PRSS12: variants seen among roughly 807,000 people sequenced by gnomAD.
PRSS12 encodes the protein neurotrypsin.
PRSS12 carries 85 observed loss-of-function variants against 104.4 expected under a neutral mutation model. The observed-to-expected ratio is 0.81, with a 90% CI of 0.68 to 0.98. PRSS12 has a LOEUF of 0.98. Among genes scored for constraint, PRSS12 ranks in the 50% least tolerant of loss-of-function variants. The pLI is 0.00. For missense variants in PRSS12, 1,141 were observed against 1,139.2 expected (o/e 1.00, Z -0.02); for synonymous variants, 454 against 425.2 (o/e 1.07, Z -0.83).
chr4:118,290,859 AT>A (rs1346444209), intron 11 of PRSS12, among the ~76,000 whole-genome samples: 1 of 151,746 alleles, frequency 6.6e-6, no homozygotes, highest in Non-Finnish European at 1.5e-5. Context: ...CTTTTCACCT[AT>A]TTCTATTATT....
chr4:118,313,017 A>C, intron 7 of PRSS12, 184 bp downstream of exon 7: 1 of 669,886 alleles, frequency 1.5e-6, no homozygotes. Flanking sequence ...GAAATTTCAT[A>C]ATGTTGGCGC....
At chr4:118,318,290 A>G in intron 5 of PRSS12, 88 bp downstream of exon 5, 6 of 1,238,730 alleles carry the variant, frequency 4.8e-6, no homozygotes, top group Non-Finnish European at 6.9e-6. Flanking sequence ...TCATTTGGTA[A>G]TGTTGAAATT....
chr4:118,295,752 A>G (rs1743237873), intron 10 of PRSS12, 26 bp downstream of exon 10: 1 of 1,585,494 alleles, frequency 6.3e-7, no homozygotes, highest in Admixed American at 1.7e-5. Flanking sequence ...TGTAATATAA[A>G]AAATCTCTTT....
chr4:118,336,155 C>A (rs534763294), intron 2 of PRSS12, among the ~76,000 whole-genome samples: 1 of 152,144 alleles, frequency 6.6e-6, no homozygotes, highest in East Asian at 1.9e-4. Context: ...CATCTAAGCA[C>A]AATAATATCA....
In PRSS12 at chr4:118,338,313, T is replaced by C. The variant is rs755194073; in HGVS notation, c.504A>G (p.Gly168=). The C allele has an allele frequency of 2.5e-6, 4 of 1,613,932 alleles. No homozygotes were observed. The highest frequency in any genetic ancestry group is 2.2e-5 in the East Asian group (1 of 44,882). ...TTTTGCCGCCACGAAGTCGTACTGA[T>C]CCTAAAGTGGAAAAGAATCCCAAAA... ...VDWGYCDCRH[G]SVRLRGGKNE... is the part of the protein sequence containing the mutation. Residue 168 remains glycine (G), a splice_region_variant and synonymous_variant, in exon 2 of 13, where the codon GGA becomes GGG. Coordinates refer to ENST00000296498, the MANE Select transcript of PRSS12 (RefSeq NM_003619.4).
chr4:118,337,226 C>T (rs1414094015), intron 2 of PRSS12, among the ~76,000 whole-genome samples: 1 of 152,130 alleles, frequency 6.6e-6, no homozygotes, highest in African/African-American at 2.4e-5. Context: ...ATGCAAAATA[C>T]TTGCAAACTG....
intron 8 of PRSS12, chr4:118,303,290 A>G (rs1218925084): frequency 6.6e-6 from 1 of 152,174 alleles, no homozygotes; most frequent in Non-Finnish European, 1.5e-5. Flanking sequence ...GATAAATAAC[A>G]TAAAAGTAGA....
At chr4:118,319,543 G>A (rs1038409988) in intron 4 of PRSS12, among the ~76,000 whole-genome samples, 4 of 152,048 alleles carry the variant, frequency 2.6e-5, no homozygotes, top group Non-Finnish European at 4.4e-5. Flanking sequence ...TAATAATTGC[G>A]GAACCACCAA....
In PRSS12 at chr4:118,318,568, A is replaced by C; in HGVS notation, c.972-12T>G. Reference sequence around the variant, plus strand: ...CTTTGGCAATGCCACTGAACAAATAAAAGAATGTAAGGATTCTGGATTAGA... The same window carrying C: ...CTTTGGCAATGCCACTGAACAAATACAAGAATGTAAGGATTCTGGATTAGA... On this transcript the variant is annotated splice_polypyrimidine_tract_variant and intron_variant, in intron 4 of 12. Coordinates refer to ENST00000296498, the MANE Select transcript of PRSS12 (RefSeq NM_003619.4). 1 of 1,612,838 alleles carries C rather than the reference A, an allele frequency of 6.2e-7. No homozygotes were observed. Among genetic ancestry groups the C allele is most frequent in the Non-Finnish European group, 8.5e-7 (1 of 1,179,294 alleles).
chr4:118,333,746 C>T (rs1489846715), intron 3 of PRSS12, among the ~76,000 whole-genome samples: 1 of 152,100 alleles, frequency 6.6e-6, no homozygotes, highest in Admixed American at 6.6e-5. Context: ...CTTTCACTTT[C>T]CTATGTTGTG....
chr4:118,321,331 A>G (rs1723612904), intron 4 of PRSS12, among the ~76,000 whole-genome samples: 1 of 152,208 alleles, frequency 6.6e-6, no homozygotes, highest in Non-Finnish European at 1.5e-5. Context: ...AGAAGAGTGC[A>G]CTAATCATGT....
chr4:118,352,654 A>C lies in PRSS12; in HGVS notation c.67T>G (p.Ser23Ala), dbSNP rs778984558. 1.9e-6 allele frequency: 3 copies of C among 1,613,288 alleles called. No individual in the cohort carries two copies. The highest frequency in any genetic ancestry group is 2.5e-6 in the Non-Finnish European group (3 of 1,179,600). The change falls in exon 1 of 13, where the codon TCT (serine) becomes GCT (alanine). Residue 23 changes from serine to alanine, a missense_variant. Ser to Ala is a moderately conservative substitution (Grantham distance 99). Coordinates refer to ENST00000296498, the MANE Select transcript of PRSS12 (RefSeq NM_003619.4). ...TGGTGGAGGGAATCATTGAGGACAG[A>C]ATCAAAGCCGACCACTTCGGGGAGC... Reference protein sequence around the residue: ...GALPEVVGFDSVLNDSLHHSH... With the variant: ...GALPEVVGFDAVLNDSLHHSH...
Position 118,310,601 on chromosome 4 carries a change from T to TA in PRSS12, c.1490-2025dup, listed in dbSNP as rs1365271037. On this transcript the variant is annotated intron_variant, in intron 7 of 12. Transcript: ENST00000296498. ...AAATATATAAAGTTTTTGGAAAAGC[T>TA]AAACAATCATATTGGTATACAGTTA... Among the ~76,000 whole-genome samples the TA allele has an allele frequency of 1.2e-4, 19 of 152,326 alleles. No individual in the cohort carries two copies. In the South Asian group the frequency reaches 3.9e-3, roughly 32 times the overall value.
rs575377790 is a variant in PRSS12, at chr4:118,332,251, T to C, written c.821-385A>G. Among the ~76,000 whole-genome samples the C allele has an allele frequency of 5.3e-5, 8 of 152,348 alleles. No homozygotes were observed. The South Asian group carries it at 1.7e-3, about 32-fold the overall frequency. ...CTTGAGCATTACCAATATGTCATTA[T>C]TAAGAATGACACTTATGTCTATAAC... On this transcript the variant is annotated intron_variant, in intron 3 of 12. Transcript: ENST00000296498.
chr4:118,309,224 A>C (rs2126032435), intron 7 of PRSS12, among the ~76,000 whole-genome samples: 1 of 152,338 alleles, frequency 6.6e-6, no homozygotes, highest in African/African-American at 2.4e-5. Context: ...TAGCAAATTA[A>C]GATTTATCTA....
chr4:118,328,600 A>T (rs1358776007), intron 4 of PRSS12, among the ~76,000 whole-genome samples: 3 of 152,154 alleles, frequency 2.0e-5, no homozygotes, highest in African/African-American at 7.2e-5. Flanking sequence ...AAAAAAAAAA[A>T]GAACTCTACA....
intron 1 of PRSS12, 71 bp from the exon 2 acceptor site, chr4:118,338,385 G>T: frequency 6.3e-7 from 1 of 1,577,864 alleles, no homozygotes; most frequent in Non-Finnish European, 8.7e-7. Context: ...CCAGTCCTGG[G>T]TTAACATGAT....
At chr4:118,297,133 A>T (rs1004266795) in intron 9 of PRSS12, among the ~76,000 whole-genome samples, 68 of 152,320 alleles carry the variant, frequency 4.5e-4, no homozygotes, top group African/African-American at 1.6e-3. Context: ...TTCAGTTTGA[A>T]TCACCTTATA....
At chr4:118,286,277 C>T (rs1027532772) in intron 11 of PRSS12, among the ~76,000 whole-genome samples, 1 of 152,144 alleles carries the variant, frequency 6.6e-6, no homozygotes, top group Admixed American at 6.5e-5. Flanking sequence ...AAGAACTGGT[C>T]CTTGTTCCCC....
Sources: allele counts gnomAD v4.1 joint callset (sites outside exome capture counted in the v4.1 genomes callset), GRCh38; gene constraint gnomAD v4.1.1; transcripts MANE v1.5; gene names NCBI Gene and HGNC (gene_info 2026-07-23, HGNC 2026-07-21).